CISD1: variants seen among roughly 807,000 people sequenced by gnomAD.
CISD1 encodes the protein CDGSH iron-sulfur domain-containing protein 1.
Under a neutral mutation model 12.0 loss-of-function variants are expected in CISD1, and 8 were observed. The ratio of observed to expected loss-of-function variants is 0.67; its 90% CI spans 0.39 to 1.20. CISD1 has a LOEUF of 1.20. Among genes scored for constraint, CISD1 ranks in the 50% most tolerant of loss-of-function variants. The probability of loss-of-function intolerance (pLI) is 0.01; values close to 1 mark genes in which losing one functional copy is unlikely to be tolerated. For synonymous variants in CISD1, 38 were observed against 42.2 expected, an observed-to-expected ratio of 0.90 and a Z score of 0.39; for missense variants, 107 against 132.7, an observed-to-expected ratio of 0.81 and a Z score of 0.95.
At chr10:58,283,157 G>C (rs1839391364) in intron 2 of CISD1, 1 of 151,960 alleles carries the variant, frequency 6.6e-6, no homozygotes, top group Admixed American at 6.5e-5. Flanking sequence ...TTTTTGGCGG[G>C]AGGGTGTTGG....
intron 1 of CISD1, among the ~76,000 whole-genome samples, chr10:58,272,298 C>CT (rs909204418): frequency 6.3e-4 from 91 of 143,948 alleles, no homozygotes; most frequent in East Asian, 1.4e-3. Context: ...CCTGAAATCA[C>CT]TTTTTTTTTT....
chr10:58,271,618 T>C (rs1839250365), intron 1 of CISD1, among the ~76,000 whole-genome samples: 1 of 152,226 alleles, frequency 6.6e-6, no homozygotes, highest in African/African-American at 2.4e-5. Context: ...CTCTTCTCAA[T>C]TAAATGAATT....
chr10:58,285,864 C>CA (rs1839422587), intron 2 of CISD1, among the ~76,000 whole-genome samples: 1 of 151,826 alleles, frequency 6.6e-6, no homozygotes, highest in African/African-American at 2.4e-5. Flanking sequence ...TAAAACTTGG[C>CA]AAAAAACATT....
At chr10:58,278,647 C>T (rs1462750472) in intron 2 of CISD1, among the ~76,000 whole-genome samples, 1 of 152,174 alleles carries the variant, frequency 6.6e-6, no homozygotes, top group Admixed American at 6.5e-5. Flanking sequence ...GGGATCTCTC[C>T]CCATAGTAGA....
At position 58,286,130 on chromosome 10, in the gene CISD1, A is replaced by G. The variant is rs866601850; in HGVS notation, c.238-1431A>G. On this transcript the variant is annotated intron_variant, in intron 2 of 2. Transcript: ENST00000333926. ...TGAGGCAGGAGAATGGCGTGAACCC[A>G]GGAGGCGGAGCTTGCAGTGAGTCGA... is the stretch of plus-strand genomic sequence containing the variant. Among the ~76,000 whole-genome samples the G allele has an allele frequency of 1.4e-3, 211 of 151,480 alleles. 1 individual carries two copies. The highest frequency in any genetic ancestry group is 4.9e-3 in the African/African-American group (204 of 41,290).
chr10:58,277,729 A>G (rs1017289959), intron 2 of CISD1, among the ~76,000 whole-genome samples: 1 of 149,068 alleles, frequency 6.7e-6, no homozygotes, highest in Non-Finnish European at 1.5e-5. Context: ...GAGTTCAGGC[A>G]GATTTAACCA....
intron 1 of CISD1, among the ~76,000 whole-genome samples, chr10:58,275,304 G>T (rs181690999): frequency 3.9e-5 from 6 of 152,260 alleles, no homozygotes; most frequent in Non-Finnish European, 7.4e-5. Flanking sequence ...CCTGGCATAG[G>T]AAATGTTTTC....
At chr10:58,276,868 A>C (rs867071215) in intron 1 of CISD1, among the ~76,000 whole-genome samples, 2 of 151,980 alleles carry the variant, frequency 1.3e-5, no homozygotes, top group South Asian at 4.1e-4. Context: ...TAAAATAATA[A>C]TTTTAAGTTT....
chr10:58,282,588 A>G (rs532121124), intron 2 of CISD1, among the ~76,000 whole-genome samples: 178 of 152,352 alleles, frequency 1.2e-3, no homozygotes, highest in African/African-American at 3.9e-3. Flanking sequence ...GGTTGCATCC[A>G]TGGATGTGGA....
chr10:58,289,323 T>C lies in CISD1; in HGVS notation c.*1673T>C, dbSNP rs981197846. 2.0e-5 allele frequency: 3 copies of C among 152,166 alleles called. No individual in the cohort carries two copies. The highest frequency in any genetic ancestry group is 7.2e-5 in the African/African-American group (3 of 41,444). The allele number at this position is 152,166 out of a possible 1,614,324, so 9.4% of individuals were successfully genotyped here. A position where few individuals can be genotyped will look rare whatever the true frequency, so the allele number is the denominator to read the frequency against. On this transcript the variant is annotated 3_prime_UTR_variant, in exon 3 of 3. Coordinates refer to ENST00000333926, the MANE Select transcript of CISD1 (RefSeq NM_018464.5). ...CTATTCTTTATCTTGAATTTGAAATTATATTGTTAGTCATGCATTTTTGTA... is the reference window on the plus strand; with the variant it reads ...CTATTCTTTATCTTGAATTTGAAATCATATTGTTAGTCATGCATTTTTGTA...
intron 2 of CISD1, among the ~76,000 whole-genome samples, chr10:58,278,709 G>A (rs1235417238): frequency 1.3e-5 from 2 of 152,168 alleles, no homozygotes; most frequent in African/African-American, 4.8e-5. Flanking sequence ...CCACATACTA[G>A]GTACAGGTTG....
In CISD1 at chr10:58,287,828, TAAACA is replaced by T; in HGVS notation, c.*182_*186del. On this transcript the variant is annotated 3_prime_UTR_variant, in exon 3 of 3. Transcript: ENST00000333926. ...TGAAACATCGTGGTGCACATTTGTT[TAAACA>T]AAAAAAAAAAAAAAAAGGAAAAACC... is the stretch of plus-strand genomic sequence containing the variant. 1 of 307,786 alleles carries T rather than the reference TAAACA, an allele frequency of 3.2e-6. No individual in the cohort carries two copies. The highest frequency in any genetic ancestry group is 5.3e-6 in the Non-Finnish European group (1 of 189,118). The allele number at this position is 307,786 out of a possible 1,614,324, so 19.1% of individuals were successfully genotyped here.
At chr10:58,278,235 CA>C (rs1194318755) in intron 2 of CISD1, among the ~76,000 whole-genome samples, 1 of 152,086 alleles carries the variant, frequency 6.6e-6, no homozygotes. Flanking sequence ...TCACTCTTAG[CA>C]TTCAAATAAA....
intron 1 of CISD1, among the ~76,000 whole-genome samples, chr10:58,271,606 GTC>G (rs1333076408): frequency 6.6e-6 from 1 of 152,194 alleles, no homozygotes; most frequent in Non-Finnish European, 1.5e-5. Flanking sequence ...AAGATATCAT[GTC>G]TCTTCTCAAT....
Position 58,287,542 on chromosome 10 carries a change from T to G in CISD1, c.238-19T>G, listed in dbSNP as rs1564548168. On this transcript the variant is annotated intron_variant, in intron 2 of 2. Transcript: ENST00000333926. ...GATTTTGAGATTAGATGTTTCACAT[T>G]CATTCTTTCTCTTCCTAGTTCCCAT... 3 of 1,565,868 alleles carry G rather than the reference T, an allele frequency of 1.9e-6. No individual in the cohort carries two copies. Among genetic ancestry groups the G allele is most frequent in the Non-Finnish European group, 2.6e-6 (3 of 1,142,760 alleles).
intron 1 of CISD1, among the ~76,000 whole-genome samples, chr10:58,274,132 C>CA (rs531929648): frequency 5.6e-4 from 82 of 147,268 alleles, no homozygotes; most frequent in Non-Finnish European, 9.1e-4. Context: ...GACTCCATCT[C>CA]AAAAAAAAAG....
rs183904363 is a variant in CISD1 at position 58,277,113 on chromosome 10, C to G, written c.32-4C>G. ...TAATTATTTGTTTTCCTTCCCTGCT[C>G]TAGTTGAATGGATCGCAGCAGTTAC... is the stretch of plus-strand genomic sequence containing the variant. On this transcript the variant is annotated splice_polypyrimidine_tract_variant and splice_region_variant and intron_variant, in intron 1 of 2. Transcript: ENST00000333926. The G allele has an allele frequency of 1.3e-5, 20 of 1,576,232 alleles. No individual in the cohort carries two copies. In the African/African-American group the frequency reaches 2.0e-4, roughly 16 times the overall value.
rs149963960 is a variant in CISD1, at chr10:58,275,947, A to G, written c.32-1170A>G. ...GTGCAAGTAAACTATACAACTAATT[A>G]TTAATTATGTGTTTTTATTTGGCCT... is the stretch of plus-strand genomic sequence containing the variant. On this transcript the variant is annotated intron_variant, in intron 1 of 2. Transcript: ENST00000333926. 3.7e-3 allele frequency among the ~76,000 whole-genome samples: 562 copies of G among 152,326 alleles called. 8 individuals are homozygous for G. The highest frequency in any genetic ancestry group is 0.013 in the African/African-American group (524 of 41,566).
At chr10:58,284,286 C>T (rs753329598) in intron 2 of CISD1, among the ~76,000 whole-genome samples, 2 of 151,046 alleles carry the variant, frequency 1.3e-5, no homozygotes, top group African/African-American at 4.9e-5. Flanking sequence ...CAGTAAGCTG[C>T]GATTGCACCA....
Sources: gnomAD v4.1 joint callset for allele counts (sites outside exome capture counted in the v4.1 genomes callset) on GRCh38, gnomAD v4.1.1 for gene constraint, MANE v1.5 for transcripts, NCBI Gene and HGNC (gene_info 2026-07-23, HGNC 2026-07-21) for gene names.